The following GBF1 variants were observed in gnomAD, a reference collection of about 807,000 sequenced individuals.
GBF1 encodes Golgi-specific brefeldin A-resistance guanine nucleotide exchange factor 1.
GBF1 carries 114 observed loss-of-function variants against 210.5 expected under a neutral mutation model. The observed-to-expected ratio is 0.54, with a 90% CI of 0.47 to 0.63. The LOEUF (loss-of-function observed/expected upper bound fraction) is 0.63. GBF1 is among the 30% of genes least tolerant of loss of function. The probability of loss-of-function intolerance (pLI) is 0.00; values close to 1 mark genes in which losing one functional copy is unlikely to be tolerated. For synonymous variants in GBF1, 850 were observed against 889.2 expected (o/e 0.96, Z 0.78); for missense variants, 1,851 against 2,357.7 (o/e 0.79, Z 4.45).
chr10:102,247,855 A>G (rs1462689223), intron 1 of GBF1, among the ~76,000 whole-genome samples: 1 of 152,180 alleles, frequency 6.6e-6, no homozygotes, highest in Non-Finnish European at 1.5e-5. Flanking sequence ...CAGGCTATAG[A>G]CATATCTCCT....
At chr10:102,303,197 A>G (rs1047961847) in intron 3 of GBF1, among the ~76,000 whole-genome samples, 2 of 152,152 alleles carry the variant, frequency 1.3e-5, no homozygotes, top group Admixed American at 1.3e-4. Flanking sequence ...CATGTTGGCC[A>G]GGCTGGTCTC....
At chr10:102,351,435 T>C (rs1399557386) in intron 5 of GBF1, 61 bp downstream of exon 5, 2 of 911,176 alleles carry the variant, frequency 2.2e-6, no homozygotes, top group African/African-American at 3.2e-5. Context: ...CAGACTCTAC[T>C]TACTCTGCCC....
chr10:102,339,665 CAA>C (rs572753596), intron 3 of GBF1, among the ~76,000 whole-genome samples: 1 of 134,878 alleles, frequency 7.4e-6, no homozygotes. Context: ...GACTCCGTCT[CAA>C]AAAAAAAAAG....
chr10:102,265,792 T>C (rs1024297987), intron 3 of GBF1, among the ~76,000 whole-genome samples: 1 of 152,098 alleles, frequency 6.6e-6, no homozygotes, highest in Non-Finnish European at 1.5e-5. Context: ...GGCCAGGGCT[T>C]GAGGAAGACT....
At chr10:102,275,024 T>C (rs1447601081) in intron 3 of GBF1, among the ~76,000 whole-genome samples, 1 of 150,576 alleles carries the variant, frequency 6.6e-6, no homozygotes, top group African/African-American at 2.4e-5. Flanking sequence ...TTTTTTTTTT[T>C]TTTTTGAGAC....
At position 102,342,443 on chromosome 10, in the gene GBF1, G is replaced by T. The variant is rs140376843; in HGVS notation, c.164-1608G>T. On this transcript the variant is annotated intron_variant, in intron 3 of 39. Transcript: ENST00000369983. ...GACACACACACACGTTCTTCTCTAG[G>T]TTTTTTCTGTAAATTTTACATCTCT... 4.7e-4 allele frequency among the ~76,000 whole-genome samples: 71 copies of T among 151,866 alleles called. 1 individual carries two copies. Among genetic ancestry groups the T allele is most frequent in the African/African-American group, 1.6e-3 (68 of 41,424 alleles).
rs747416775 is a variant in GBF1 at position 102,358,477 on chromosome 10, C to G, written c.788-29C>G. On this transcript the variant is annotated intron_variant, in intron 9 of 39. Transcript: ENST00000369983. Reference sequence around the variant, plus strand: ...TTTTGCCCACAGCCTCTTTCTTCTCCTTCAAGCGTCACATACTTTTCTTGG... The same window carrying G: ...TTTTGCCCACAGCCTCTTTCTTCTCGTTCAAGCGTCACATACTTTTCTTGG... 3.3e-6 allele frequency: 5 copies of G among 1,515,004 alleles called. No individual in the cohort carries two copies. In the East Asian group the frequency reaches 1.1e-4, roughly 34 times the overall value. The allele number at this position is 1,515,004 out of a possible 1,614,324, so 93.8% of individuals were successfully genotyped here.
intron 3 of GBF1, among the ~76,000 whole-genome samples, chr10:102,288,863 C>T (rs975344033): frequency 3.3e-5 from 5 of 151,030 alleles, no homozygotes; most frequent in South Asian, 2.1e-4. Context: ...CATTTTGGAA[C>T]GCTGAGGCGG....
intron 3 of GBF1, among the ~76,000 whole-genome samples, chr10:102,321,837 C>T (rs2056426395): frequency 6.6e-6 from 1 of 152,056 alleles, no homozygotes; most frequent in Non-Finnish European, 1.5e-5. Flanking sequence ...GCCAGGATTA[C>T]AGGTGTGAGT....
At chr10:102,321,893 C>T (rs1309327163) in intron 3 of GBF1, among the ~76,000 whole-genome samples, 1 of 152,192 alleles carries the variant, frequency 6.6e-6, no homozygotes, top group African/African-American at 2.4e-5. Flanking sequence ...GGGTCTTGCT[C>T]TGTCACCCAG....
chr10:102,370,890 A>G (rs781266335), intron 29 of GBF1, 30 bp downstream of exon 29: 3 of 1,605,084 alleles, frequency 1.9e-6, no homozygotes, highest in East Asian at 4.5e-5. Context: ...GAGAGTGGGC[A>G]GGTATGCAAG....
chr10:102,334,835 C>G (rs1031837534), intron 3 of GBF1, among the ~76,000 whole-genome samples: 1 of 148,622 alleles, frequency 6.7e-6, no homozygotes, highest in Admixed American at 6.8e-5. Flanking sequence ...GGTGACAGAG[C>G]GAGACTTCGT....
chr10:102,291,238 A>G (rs1238705675), intron 3 of GBF1, among the ~76,000 whole-genome samples: 1 of 152,038 alleles, frequency 6.6e-6, no homozygotes, highest in Non-Finnish European at 1.5e-5. Context: ...ACTATGGGCT[A>G]TTTCAAACCT....
upstream of GBF1, among the ~76,000 whole-genome samples, chr10:102,241,658 T>A (rs1487247620): frequency 6.6e-6 from 1 of 152,206 alleles, no homozygotes; most frequent in African/African-American, 2.4e-5. This position sits in a 1 kb window ranked among gnomAD's most constrained non-coding sequence, Gnocchi z 6.7. Flanking sequence ...GGCCCCGCCT[T>A]TGAGGGAGGG....
At chr10:102,362,859 C>T (rs1357032141) in intron 15 of GBF1, among the ~76,000 whole-genome samples, 195 bp downstream of exon 15, 1 of 152,184 alleles carries the variant, frequency 6.6e-6, no homozygotes, top group Non-Finnish European at 1.5e-5. Flanking sequence ...TTTCCTCCTC[C>T]CCACTTTGGT....
chr10:102,348,499 G>A (rs2058727430), intron 4 of GBF1, among the ~76,000 whole-genome samples: 1 of 152,238 alleles, frequency 6.6e-6, no homozygotes, highest in South Asian at 2.1e-4. Flanking sequence ...TCTCTGAAAT[G>A]CTACACAACA....
chr10:102,375,219 C>A, intron 29 of GBF1, 140 bp from the exon 30 acceptor site: 4 of 561,644 alleles, frequency 7.1e-6, no homozygotes, highest in East Asian at 3.0e-5. Flanking sequence ...AAAAAAAAGA[C>A]CAGAGCAGTA....
intron 3 of GBF1, among the ~76,000 whole-genome samples, chr10:102,261,373 ATG>A (rs1027830917): frequency 5.3e-5 from 8 of 152,234 alleles, no homozygotes; most frequent in East Asian, 3.9e-4. Context: ...CCTCAGAGCT[ATG>A]TTCCTTTGTT....
rs770201711 is a variant in GBF1, at chr10:102,376,389, G to A, written c.4004G>A (p.Arg1335Gln). ...CATGGCAGGCCGGGCAAGATACACCGATCAGCCACAGATGCCGATGTGGTC... is the reference window on the plus strand; with the variant it reads ...CATGGCAGGCCGGGCAAGATACACCAATCAGCCACAGATGCCGATGTGGTC... ...TDHGRPGKIH[R>Q]SATDADVVNS... is the part of the protein sequence containing the mutation. Residue 1335 changes from arginine (R) to glutamine (Q), a missense_variant, in exon 31 of 40, where the codon CGA becomes CAA. Around this residue, in one of 3 missense-constraint regions of GBF1, gnomAD observed 967 missense variants for 1,247.7 expected, o/e 0.78. Coordinates refer to ENST00000369983, the MANE Select transcript of GBF1 (RefSeq NM_001377137.1). 14 of 1,614,024 alleles carry A rather than the reference G, an allele frequency of 8.7e-6. No individual in the cohort carries two copies. The highest frequency in any genetic ancestry group is 2.2e-5 in the East Asian group (1 of 44,892).
Sources: allele counts gnomAD v4.1 joint callset (sites outside exome capture counted in the v4.1 genomes callset), GRCh38; gene constraint gnomAD v4.1.1; regional missense constraint gnomAD v4.1.1; non-coding constraint Gnocchi (gnomAD v3.1); transcripts MANE v1.5; gene names NCBI Gene and HGNC (gene_info 2026-07-23, HGNC 2026-07-21).